Variants in TBC1D5 observed in about 807,000 individuals in gnomAD.
TBC1D5 encodes TBC1 domain family, member 5.
In TBC1D5, 75 loss-of-function variants were observed where a neutral mutation model predicts 100.3. The observed-to-expected ratio is 0.75, with a 90% confidence interval of 0.62 to 0.91. The LOEUF is 0.91. Ranked by LOEUF, TBC1D5 falls within the 40% of genes least tolerant of loss-of-function variation. The pLI is 0.00. For synonymous variants in TBC1D5, 323 were observed against 325.6 expected (o/e 0.99, Z 0.09); for missense variants, 910 against 942.4 (o/e 0.97, Z 0.45).
chr3:17,500,117 T>C (rs2095766505), intron 3 of TBC1D5, among the ~76,000 whole-genome samples: 1 of 149,494 alleles, frequency 6.7e-6, no homozygotes, highest in African/African-American at 2.5e-5. Flanking sequence ...TGCAACATGG[T>C]TCAATGACTG....
At chr3:17,516,656 T>C (rs1418193140) in intron 2 of TBC1D5, among the ~76,000 whole-genome samples, 2 of 152,200 alleles carry the variant, frequency 1.3e-5, no homozygotes, top group African/African-American at 4.8e-5. Context: ...AGAGAAAGTA[T>C]TTTTCATTCC....
rs562590526 is a variant in TBC1D5, at chr3:17,456,548, G to GGT, written c.98-28031_98-28030dup. 7.2e-5 allele frequency among the ~76,000 whole-genome samples: 11 copies of GGT among 152,214 alleles called. No individual in the cohort carries two copies. The East Asian group carries it at 2.1e-3, about 29-fold the overall frequency. ...GAAATGGCAAACAGGCATATGAAAA[G>GGT]GTGTTCAACATACCGATCATCAGAG... On this transcript the variant is annotated intron_variant, in intron 3 of 21. Transcript: ENST00000253692.
At chr3:17,618,786 G>A (rs183737219) in intron 2 of TBC1D5, among the ~76,000 whole-genome samples, 15 of 152,314 alleles carry the variant, frequency 9.8e-5, no homozygotes, top group African/African-American at 3.4e-4. Flanking sequence ...GGAGTGTCCC[G>A]TTTTTCCAGG....
intron 17 of TBC1D5, among the ~76,000 whole-genome samples, chr3:17,236,073 G>A (rs1050680118): frequency 6.6e-6 from 1 of 152,070 alleles, no homozygotes; most frequent in African/African-American, 2.4e-5. Context: ...CCTTATAACT[G>A]GGGACTTGGT....
chr3:17,460,204 C>A (rs181943224), intron 3 of TBC1D5, among the ~76,000 whole-genome samples: 34 of 152,174 alleles, frequency 2.2e-4, no homozygotes, highest in Non-Finnish European at 4.3e-4. Flanking sequence ...AGAACCTAAC[C>A]GATATGATCT....
At chr3:17,516,102 C>G (rs1321133870) in intron 2 of TBC1D5, among the ~76,000 whole-genome samples, 2 of 152,130 alleles carry the variant, frequency 1.3e-5, no homozygotes, top group East Asian at 3.8e-4. Flanking sequence ...CAGTTTTATG[C>G]ATCTCTTTTC....
At chr3:17,189,085 G>T (rs929870948) in intron 18 of TBC1D5, among the ~76,000 whole-genome samples, 1 of 152,088 alleles carries the variant, frequency 6.6e-6, no homozygotes, top group Non-Finnish European at 1.5e-5. Flanking sequence ...TAATTCCTTG[G>T]TCTACTCAAC....
intron 13 of TBC1D5, among the ~76,000 whole-genome samples, chr3:17,318,245 G>C (rs2084946091): frequency 9.1e-6 from 1 of 109,670 alleles, no homozygotes; most frequent in Non-Finnish European, 1.8e-5. Context: ...GGGGAGGGGG[G>C]AGGGATAGCT....
At chr3:17,326,971 C>A (rs1429680383) in intron 13 of TBC1D5, among the ~76,000 whole-genome samples, 2 of 152,190 alleles carry the variant, frequency 1.3e-5, no homozygotes, top group East Asian at 3.8e-4. Context: ...TTTGTACCTT[C>A]AAAATACATT....
intron 4 of TBC1D5, among the ~76,000 whole-genome samples, chr3:17,411,116 C>T (rs893349299): frequency 6.6e-6 from 1 of 151,996 alleles, no homozygotes; most frequent in African/African-American, 2.4e-5. Flanking sequence ...CAACCACCAC[C>T]CTAACTAGTG....
Position 17,636,826 on chromosome 3 carries a change from C to A in TBC1D5, c.-100-12913G>T, listed in dbSNP as rs114427908. ...AAAAAAAAAAAGAATATAGTAGTAG[C>A]ATAAGAATAGATTTACCAACTGACA... On this transcript the variant is annotated intron_variant, in intron 1 of 21. Coordinates refer to ENST00000253692, the Ensembl canonical transcript of TBC1D5. 4.2e-3 allele frequency among the ~76,000 whole-genome samples: 636 copies of A among 151,612 alleles called. 4 individuals carry two copies. The highest frequency in any genetic ancestry group is 0.014 in the African/African-American group (572 of 41,348).
intron 13 of TBC1D5, chr3:17,337,581 T>G (rs1177338662): frequency 6.6e-6 from 1 of 152,148 alleles, no homozygotes; most frequent in Non-Finnish European, 1.5e-5. Flanking sequence ...TCACAGTACC[T>G]CCAGACTTCA....
At chr3:17,274,518 C>T (rs1349779208) in intron 15 of TBC1D5, among the ~76,000 whole-genome samples, 1 of 152,096 alleles carries the variant, frequency 6.6e-6, no homozygotes, top group Non-Finnish European at 1.5e-5. Context: ...TCAATTAGAA[C>T]CTTTATGAGA....
intron 13 of TBC1D5, among the ~76,000 whole-genome samples, chr3:17,325,831 GT>G (rs1256367356): frequency 1.3e-5 from 2 of 152,076 alleles, no homozygotes; most frequent in African/African-American, 2.4e-5. Context: ...CTATAGACAC[GT>G]ACAAATGTAT....
At chr3:17,187,944 C>T (rs757968877) in intron 18 of TBC1D5, among the ~76,000 whole-genome samples, 7 of 152,150 alleles carry the variant, frequency 4.6e-5, no homozygotes, top group East Asian at 1.9e-4. Flanking sequence ...ATACAAAAGC[C>T]GTTGGGAGCT....
intron 2 of TBC1D5, among the ~76,000 whole-genome samples, chr3:17,584,803 C>T (rs1184616129): frequency 1.3e-5 from 2 of 152,126 alleles, no homozygotes; most frequent in African/African-American, 4.8e-5. Context: ...ATTACAGGTG[C>T]CTGACATGAC....
intron 1 of TBC1D5, among the ~76,000 whole-genome samples, chr3:17,693,770 C>A (rs2071550656): frequency 6.6e-6 from 1 of 152,242 alleles, no homozygotes; most frequent in Non-Finnish European, 1.5e-5. Flanking sequence ...AATGGATGGA[C>A]TGCCTCCTCA....
intron 4 of TBC1D5, among the ~76,000 whole-genome samples, chr3:17,409,186 A>C (rs1350516719): frequency 6.6e-6 from 1 of 152,166 alleles, no homozygotes. Context: ...TGCTCACTTC[A>C]TGACTCTTGT....
At chr3:17,562,376 C>A (rs900282756) in intron 2 of TBC1D5, among the ~76,000 whole-genome samples, 1 of 151,542 alleles carries the variant, frequency 6.6e-6, no homozygotes. Flanking sequence ...CCCAATAGGT[C>A]AAGTAAAAGA....
Sources: gnomAD v4.1 joint callset for allele counts (sites outside exome capture counted in the v4.1 genomes callset) on GRCh38, gnomAD v4.1.1 for gene constraint, MANE v1.5 for transcripts, NCBI Gene and HGNC (gene_info 2026-07-23, HGNC 2026-07-21) for gene names.